DSG3: variants seen among roughly 807,000 people sequenced by gnomAD.
The protein encoded by DSG3 is desmoglein-3.
DSG3 carries 63 observed loss-of-function variants against 85.9 expected under a neutral mutation model. That is an observed-to-expected ratio of 0.73 (90% CI 0.60 to 0.90). The LOEUF is 0.90. DSG3 is among the 40% of genes least tolerant of loss of function. DSG3 has a pLI of 0.00. For missense variants in DSG3, 1,220 were observed against 1,219.9 expected (o/e 1.00, Z 0.00); for synonymous variants, 447 against 441.9 (o/e 1.01, Z -0.14).
chr18:31,448,991 G>A (rs554455055), intron 1 of DSG3, among the ~76,000 whole-genome samples: 1 of 152,268 alleles, frequency 6.6e-6, no homozygotes, highest in Admixed American at 6.5e-5. Context: ...TGCCTCTGGG[G>A]TTCAAGTGAT....
chr18:31,470,558 G>T (rs1330751930), intron 12 of DSG3, among the ~76,000 whole-genome samples: 1 of 152,144 alleles, frequency 6.6e-6, no homozygotes, highest in African/African-American at 2.4e-5. Context: ...AAATTTTTAA[G>T]TACCTCTATG....
chr18:31,461,523 C>T (rs1353642309), intron 8 of DSG3, 111 bp downstream of exon 8: 1 of 1,065,640 alleles, frequency 9.4e-7, no homozygotes, highest in African/African-American at 1.6e-5. Context: ...ACAGAAAACA[C>T]ATAAAAGTAG....
intron 1 of DSG3, among the ~76,000 whole-genome samples, chr18:31,454,031 A>G (rs546736654): frequency 6.6e-6 from 1 of 152,314 alleles, no homozygotes; most frequent in African/African-American, 2.4e-5. Context: ...TAACTAAAAT[A>G]ATTTTTTTAA....
At position 31,459,612 on chromosome 18, in the gene DSG3, C is replaced by G. The variant is rs540107535; in HGVS notation, c.518-233C>G. ...TTGAGATAGAATATAGCCTCAATCT[C>G]AGCAAACGTAAGGCTTAGAGAGAAT... is the stretch of plus-strand genomic sequence containing the variant. On this transcript the variant is annotated intron_variant, in intron 5 of 15. Transcript: ENST00000257189. Among the ~76,000 whole-genome samples, 57 of 152,228 alleles carry G rather than the reference C, an allele frequency of 3.7e-4. 1 individual carries two copies. In the South Asian group the frequency reaches 0.012, roughly 31 times the overall value.
chr18:31,464,064 G>A, intron 8 of DSG3, 47 bp from the exon 9 acceptor site: 2 of 1,565,400 alleles, frequency 1.3e-6, no homozygotes, highest in Non-Finnish European at 1.7e-6. Flanking sequence ...TGGGTTTGCG[G>A]GAGTGTATTT....
chr18:31,450,199 T>C (rs774047526), intron 1 of DSG3, among the ~76,000 whole-genome samples: 37 of 152,296 alleles, frequency 2.4e-4, no homozygotes, highest in South Asian at 1.0e-3. Flanking sequence ...ATCAAGTCTT[T>C]ATGGATTCAG....
Position 31,465,394 on chromosome 18 carries a change from A to G in DSG3, c.1348A>G (p.Met450Val). Residue 450 changes from methionine to valine, a missense_variant, in exon 10 of 16, where the codon ATG (methionine) becomes GTG (valine). Met to Val is a conservative substitution (Grantham distance 21). Coordinates refer to ENST00000257189, the MANE Select transcript of DSG3 (RefSeq NM_001944.3). ...KTAEIKFVKN[M>V]NRDSTFIVNK... is the part of the protein sequence containing the mutation. ...TGCTGAAATCAAATTTGTCAAAAAT[A>G]TGAACCGAGATTCTACTTTCATAGT... is the stretch of plus-strand genomic sequence containing the variant. 1 of 1,551,490 alleles carries G rather than the reference A, an allele frequency of 6.4e-7. No individual in the cohort carries two copies. The highest frequency in any genetic ancestry group is 8.7e-7 in the Non-Finnish European group (1 of 1,150,164).
chr18:31,451,592 C>G (rs993241961), intron 1 of DSG3, among the ~76,000 whole-genome samples: 1 of 152,164 alleles, frequency 6.6e-6, no homozygotes, highest in Non-Finnish European at 1.5e-5. Flanking sequence ...TAAGATATCT[C>G]TTCTTCTCCT....
At chr18:31,466,894 G>A (rs548183313) in intron 11 of DSG3, 140 bp downstream of exon 11, 3 of 661,360 alleles carry the variant, frequency 4.5e-6, no homozygotes, top group African/African-American at 1.8e-5. Flanking sequence ...CTGTAGCATT[G>A]TGAATTACTT....
intron 13 of DSG3, 47 bp from the exon 14 acceptor site, chr18:31,472,678 A>G (rs1273288589): frequency 1.3e-6 from 2 of 1,596,276 alleles, no homozygotes; most frequent in South Asian, 2.2e-5. Flanking sequence ...TATTGCTCTG[A>G]AATCTGGTTC....
intron 12 of DSG3, among the ~76,000 whole-genome samples, chr18:31,470,983 A>G (rs1426386233): frequency 6.6e-6 from 1 of 152,214 alleles, no homozygotes; most frequent in Non-Finnish European, 1.5e-5. Context: ...AGCTGCTAAA[A>G]GCATTTGAAT....
Position 31,478,629 on chromosome 18 carries a change from CAT to C in DSG3, c.*2372_*2373del, listed in dbSNP as rs980218781. On this transcript the variant is annotated 3_prime_UTR_variant, in exon 16 of 16. Transcript: ENST00000257189. ...ACTTGATGTATTATACATTTTGAAC[CAT>C]ATGTATTAAACCATAAACAGTATAA... 1.4e-4 allele frequency: 22 copies of C among 152,026 alleles called. No homozygotes were observed. The highest frequency in any genetic ancestry group is 7.4e-5 in the Non-Finnish European group (5 of 68,006). 9.4% of individuals were successfully genotyped at this position (152,026 alleles called of 1,614,324 possible). A position where few individuals can be genotyped will look rare whatever the true frequency, so the allele number is the denominator to read the frequency against.
chr18:31,475,808 G>T lies in DSG3; in HGVS notation c.2548G>T (p.Gly850Ter), dbSNP rs753035002. 1 of 1,614,110 alleles carries T rather than the reference G, an allele frequency of 6.2e-7. No homozygotes were observed. The change falls in exon 16 of 16, where the codon GGA (glycine) becomes TGA (stop). Residue 850 changes from glycine to a stop codon, truncating the protein, a stop_gained. Coordinates refer to ENST00000257189, the MANE Select transcript of DSG3 (RefSeq NM_001944.3). LOFTEE classifies it low-confidence loss of function (END_TRUNC). ...GGATGACAGCTTCTTGGACTCACTT[G>T]GACCCAAATTTAAAAAACTTGCAGA... ...DLDDSFLDSL[G>*]PKFKKLAEIS... is the part of the protein sequence containing the mutation.
chr18:31,459,740 G>A, intron 5 of DSG3, 105 bp from the exon 6 acceptor site: 6 of 1,137,594 alleles, frequency 5.3e-6, no homozygotes, highest in Non-Finnish European at 7.4e-6. Flanking sequence ...GATGATTTTA[G>A]GATATTTAAA....
At position 31,464,133 on chromosome 18, in the gene DSG3, A is replaced by G. The variant is rs2072802011; in HGVS notation, c.1022A>G (p.Gln341Arg). 1.2e-6 allele frequency: 2 copies of G among 1,613,694 alleles called. No homozygotes were observed. The highest frequency in any genetic ancestry group is 1.7e-5 in the Admixed American group (1 of 59,962). Residue 341 changes from glutamine (Q) to arginine (R), a missense_variant, in exon 9 of 16, where the codon CAA becomes CGA. Coordinates refer to ENST00000257189, the MANE Select transcript of DSG3 (RefSeq NM_001944.3). ...VVKALDYEQL[Q>R]SVKLSIAVKN... ...CAGGCTCTAGATTATGAACAACTAC[A>G]AAGCGTGAAACTTAGTATTGCTGTC...
In DSG3 at chr18:31,475,709, G is replaced by C. The variant is rs755502267; in HGVS notation, c.2449G>C (p.Asp817His). The change falls in exon 16 of 16, where the codon GAT (aspartate) becomes CAT (histidine). Residue 817 changes from aspartate to histidine, a missense_variant. Physicochemically the swap from Asp to His is moderately conservative, Grantham distance 81. Coordinates refer to ENST00000257189, the MANE Select transcript of DSG3 (RefSeq NM_001944.3). ...AGCAAATGACTGCTTGTTGATCTAT[G>C]ATAATGAAGGCGCAGATGCCACTGG... ...QEANDCLLIY[D>H]NEGADATGSP... 1 of 1,614,068 alleles carries C rather than the reference G, an allele frequency of 6.2e-7. No individual in the cohort carries two copies. The highest frequency in any genetic ancestry group is 1.3e-5 in the African/African-American group (1 of 74,916).
In DSG3 at chr18:31,458,251, T is replaced by A. The variant is rs186552837; in HGVS notation, c.217-194T>A. ...TAAAATGATTAGTGCACATCATTGG[T>A]TCAGGCTGGTTGTCAAAAACAACGG... On this transcript the variant is annotated intron_variant, in intron 3 of 15. Coordinates refer to ENST00000257189, the MANE Select transcript of DSG3 (RefSeq NM_001944.3). Among the ~76,000 whole-genome samples the A allele has an allele frequency of 2.0e-3, 297 of 152,260 alleles. 1 individual carries two copies. The highest frequency in any genetic ancestry group is 2.2e-3 in the Non-Finnish European group (149 of 68,032).
chr18:31,472,855 G>A (rs1414220754), intron 14 of DSG3, 67 bp downstream of exon 14: 1 of 1,398,106 alleles, frequency 7.2e-7, no homozygotes, highest in Admixed American at 1.7e-5. Context: ...AATAAGAAGT[G>A]TTCAAACTAT....
intron 4 of DSG3, 114 bp downstream of exon 4, chr18:31,458,714 AC>A: frequency 8.3e-7 from 1 of 1,208,276 alleles, no homozygotes; most frequent in Non-Finnish European, 1.2e-6. Flanking sequence ...GCATCAGTCC[AC>A]CAGCAAATAA....
Sources: allele counts gnomAD v4.1 joint callset (sites outside exome capture counted in the v4.1 genomes callset), GRCh38; gene constraint gnomAD v4.1.1; transcripts MANE v1.5; gene names NCBI Gene and HGNC (gene_info 2026-07-23, HGNC 2026-07-21).